The following OSBPL3 variants were observed in gnomAD, a reference collection of about 807,000 sequenced individuals.
OSBPL3 encodes the protein oxysterol-binding protein-related protein 3.
OSBPL3 carries 65 observed loss-of-function variants against 120.1 expected under a neutral mutation model. The ratio of observed to expected loss-of-function variants is 0.54; its 90% CI spans 0.44 to 0.67. OSBPL3 has a LOEUF of 0.67. OSBPL3 is among the 30% of genes least tolerant of loss of function. The pLI is 0.00. For missense variants in OSBPL3, 1,004 were observed against 1,082.1 expected (o/e 0.93, Z 1.01); for synonymous variants, 416 against 402.6 (o/e 1.03, Z -0.40).
chr7:24,822,027 C>T lies in OSBPL3; in HGVS notation c.1885-1789G>A, dbSNP rs1795187340. Among the ~76,000 whole-genome samples the T allele has an allele frequency of 6.6e-6, 1 of 152,118 alleles. No individual in the cohort carries two copies. The highest frequency in any genetic ancestry group is 6.5e-5 in the Admixed American group (1 of 15,268). ...TTGCTGGGACTAAAGGTGTGTGCCA[C>T]CACGCCCGGCTAATTTTTTCACTTT... is the stretch of plus-strand genomic sequence containing the variant. On this transcript the variant is annotated intron_variant, in intron 16 of 22. Transcript: ENST00000313367. This position sits in a 1 kb window ranked among gnomAD's most constrained non-coding sequence, Gnocchi z 5.8.
upstream of OSBPL3, among the ~76,000 whole-genome samples, chr7:24,980,505 A>C (rs1460434260): frequency 1.3e-5 from 2 of 151,966 alleles, no homozygotes; most frequent in Admixed American, 6.5e-5. Context: ...GGCGTTCGGT[A>C]AATGTTCCTC....
chr7:24,806,738 T>C lies in OSBPL3; in HGVS notation c.2444+38A>G. The C allele has an allele frequency of 6.2e-7, 1 of 1,602,598 alleles. No individual in the cohort carries two copies. The highest frequency in any genetic ancestry group is 8.5e-7 in the Non-Finnish European group (1 of 1,173,590). On this transcript the variant is annotated intron_variant, in intron 21 of 22. Transcript: ENST00000313367. The surrounding 1 kb of genome is among the most constrained non-coding windows in gnomAD (Gnocchi z 5.2). The stretch of plus-strand genomic sequence containing the variant: ...TAATAAGACTTTTTGTAAAGGGTTT[T>C]ACATCTCTGGAGAGAAAAATCTTTA...
At position 24,873,697 on chromosome 7, in the gene OSBPL3, C is replaced by G. The variant is rs963746354; in HGVS notation, c.97-1628G>C. Among the ~76,000 whole-genome samples, 1 of 151,470 alleles carries G rather than the reference C, an allele frequency of 6.6e-6. No individual in the cohort carries two copies. Among genetic ancestry groups the G allele is most frequent in the African/African-American group, 2.4e-5 (1 of 41,182 alleles). On this transcript the variant is annotated intron_variant, in intron 2 of 22. Transcript: ENST00000313367. This position sits in a 1 kb window ranked among gnomAD's most constrained non-coding sequence, Gnocchi z 4.1. The stretch of plus-strand genomic sequence containing the variant: ...ATTACACTCAGACAATAAATGCATA[C>G]TACTAAGTGATGGGAAGTCAGATTT...
At position 24,799,752 on chromosome 7, in the gene OSBPL3, G is replaced by A. The variant is rs903120616; in HGVS notation, c.*431C>T. 3 of 152,712 alleles carry A rather than the reference G, an allele frequency of 2.0e-5. No homozygotes were observed. Among genetic ancestry groups the A allele is most frequent in the African/African-American group, 4.8e-5 (2 of 41,438 alleles). The allele number at this position is 152,712 out of a possible 1,614,324, so 9.5% of individuals were successfully genotyped here. ...ATTTCAGCTACCAAATTAAACTTGG[G>A]TAGCTTACGCATGGGTGAGTAACCC... On this transcript the variant is annotated 3_prime_UTR_variant, in exon 23 of 23. Transcript: ENST00000313367. This position sits in a 1 kb window ranked among gnomAD's most constrained non-coding sequence, Gnocchi z 5.3.
chr7:24,829,557 G>T (rs1189664998), intron 16 of OSBPL3, among the ~76,000 whole-genome samples: 2 of 152,106 alleles, frequency 1.3e-5, no homozygotes, highest in Non-Finnish European at 2.9e-5. Flanking sequence ...CAAGATAAAA[G>T]AATATTTTAG....
At chr7:24,860,253 T>A (rs1800341303) in intron 10 of OSBPL3, among the ~76,000 whole-genome samples, 1 of 152,210 alleles carries the variant, frequency 6.6e-6, no homozygotes, top group African/African-American at 2.4e-5. Flanking sequence ...CCCCTTTACT[T>A]CCTCCATCTC....
intron 1 of OSBPL3, among the ~76,000 whole-genome samples, chr7:24,897,168 G>C (rs1806268087): frequency 1.3e-5 from 2 of 151,974 alleles, no homozygotes; most frequent in South Asian, 4.2e-4. Context: ...AGAAAATGAG[G>C]ATACAGTGTC....
At chr7:24,892,817 C>T (rs757796384) in intron 1 of OSBPL3, among the ~76,000 whole-genome samples, 196 bp from the exon 2 acceptor site, 1 of 152,122 alleles carries the variant, frequency 6.6e-6, no homozygotes, top group Non-Finnish European at 1.5e-5. Flanking sequence ...TTTCATGTAG[C>T]TTTGCAATAT....
In OSBPL3 at chr7:24,965,884, C is replaced by T. The variant is rs914494380; in HGVS notation, c.-150+14002G>A. Among the ~76,000 whole-genome samples, 6 of 152,314 alleles carry T rather than the reference C, an allele frequency of 3.9e-5. No homozygotes were observed. The highest frequency in any genetic ancestry group is 1.4e-4 in the African/African-American group (6 of 41,570). Reference sequence around the variant, plus strand: ...GTGTTTTACCAGTCCCTCCAGGACACTCTGACACTGCTGAGGTTTAGAACC... The same window carrying T: ...GTGTTTTACCAGTCCCTCCAGGACATTCTGACACTGCTGAGGTTTAGAACC... On this transcript the variant is annotated intron_variant, in intron 1 of 22. Transcript: ENST00000313367. This position sits in a 1 kb window ranked among gnomAD's most constrained non-coding sequence, Gnocchi z 4.3.
chr7:24,978,884 C>A (rs1489918579), intron 1 of OSBPL3, among the ~76,000 whole-genome samples: 6 of 152,186 alleles, frequency 3.9e-5, no homozygotes, highest in Admixed American at 3.9e-4. Flanking sequence ...GCTTGTGAGG[C>A]GGAGAAGGAC....
chr7:24,896,807 C>T lies in OSBPL3; in HGVS notation c.-149-4186G>A, dbSNP rs1360636896. Among the ~76,000 whole-genome samples, 1 of 152,194 alleles carries T rather than the reference C, an allele frequency of 6.6e-6. No individual in the cohort carries two copies. Among genetic ancestry groups the T allele is most frequent in the Non-Finnish European group, 1.5e-5 (1 of 68,040 alleles). ...AAGGATTTGGCCAGGTGGAGTGGCT[C>T]ATGCCTATAATCCCAGCAATTTAGG... On this transcript the variant is annotated intron_variant, in intron 1 of 22. Transcript: ENST00000313367. The surrounding 1 kb of genome is among the most constrained non-coding windows in gnomAD (Gnocchi z 4.4).
rs1477449712 is a variant in OSBPL3, at chr7:24,806,598, G to A, written c.2444+178C>T. Among the ~76,000 whole-genome samples, 1 of 152,150 alleles carries A rather than the reference G, an allele frequency of 6.6e-6. No homozygotes were observed. The highest frequency in any genetic ancestry group is 1.5e-5 in the Non-Finnish European group (1 of 68,024). On this transcript the variant is annotated intron_variant, in intron 21 of 22. Coordinates refer to ENST00000313367, the MANE Select transcript of OSBPL3 (RefSeq NM_015550.4). The surrounding 1 kb of genome is among the most constrained non-coding windows in gnomAD (Gnocchi z 5.2). ...GATAATAAAGGCCATGCCACACATG[G>A]ATCCTAGTTGGGCCCCATCTCCTCC... is the stretch of plus-strand genomic sequence containing the variant.
At chr7:24,886,940 C>T (rs926051573) in intron 2 of OSBPL3, among the ~76,000 whole-genome samples, 23 of 152,168 alleles carry the variant, frequency 1.5e-4, no homozygotes, top group African/African-American at 2.2e-4. Context: ...GCACAAACCA[C>T]GGTCATTTTC....
At chr7:24,950,657 G>A (rs899411119) in intron 1 of OSBPL3, among the ~76,000 whole-genome samples, 3 of 152,260 alleles carry the variant, frequency 2.0e-5, no homozygotes, top group Non-Finnish European at 2.9e-5. Flanking sequence ...AAGAGGCGAA[G>A]CTTGCAGTGA....
intron 12 of OSBPL3, among the ~76,000 whole-genome samples, chr7:24,847,440 A>C (rs545897609): frequency 6.6e-6 from 1 of 152,352 alleles, no homozygotes; most frequent in East Asian, 1.9e-4. Context: ...GAAGGTGTGC[A>C]TTTGAAGGAT....
intron 1 of OSBPL3, among the ~76,000 whole-genome samples, chr7:24,929,290 C>T (rs1330509583): frequency 1.3e-5 from 2 of 152,214 alleles, no homozygotes; most frequent in African/African-American, 4.8e-5. Context: ...ATGTGGTATA[C>T]TGAAAGGTCG....
In OSBPL3 at chr7:24,939,714, T is replaced by C. The variant is rs1241594316; in HGVS notation, c.-150+40172A>G. Among the ~76,000 whole-genome samples, 1 of 152,136 alleles carries C rather than the reference T, an allele frequency of 6.6e-6. No individual in the cohort carries two copies. The highest frequency in any genetic ancestry group is 1.5e-5 in the Non-Finnish European group (1 of 68,034). On this transcript the variant is annotated intron_variant, in intron 1 of 22. Coordinates refer to ENST00000313367, the MANE Select transcript of OSBPL3 (RefSeq NM_015550.4). The surrounding 1 kb of genome is among the most constrained non-coding windows in gnomAD (Gnocchi z 4.2). The stretch of plus-strand genomic sequence containing the variant: ...CCCTAATAGTCAACAGTATCAAACA[T>C]TAACAGGCCAAAATGTCATCAAGAG...
rs2128442890 is a variant in OSBPL3 at position 24,918,306 on chromosome 7, T to A, written c.-149-25685A>T. Among the ~76,000 whole-genome samples, 1 of 152,314 alleles carries A rather than the reference T, an allele frequency of 6.6e-6. No homozygotes were observed. Among genetic ancestry groups the A allele is most frequent in the South Asian group, 2.1e-4 (1 of 4,824 alleles). Reference sequence around the variant, plus strand: ...TCCCTCCTTGGTTCTCATGACCACATAACTGTGCCATCCCCAACATCCCAC... The same window carrying A: ...TCCCTCCTTGGTTCTCATGACCACAAAACTGTGCCATCCCCAACATCCCAC... On this transcript the variant is annotated intron_variant, in intron 1 of 22. Coordinates refer to ENST00000313367, the MANE Select transcript of OSBPL3 (RefSeq NM_015550.4). The surrounding 1 kb of genome is among the most constrained non-coding windows in gnomAD (Gnocchi z 4.3).
rs1794946954 is a variant in OSBPL3, at chr7:24,820,176, T to C, written c.1947A>G (p.Gln649=). The C allele has an allele frequency of 6.2e-7, 1 of 1,602,484 alleles. No homozygotes were observed. The highest frequency in any genetic ancestry group is 1.3e-5 in the African/African-American group (1 of 74,700). Residue 649 remains glutamine (Q), a splice_region_variant and synonymous_variant, in exon 17 of 23, where the codon CAA becomes CAG. Coordinates refer to ENST00000313367, the MANE Select transcript of OSBPL3 (RefSeq NM_015550.4). This position sits in a 1 kb window ranked among gnomAD's most constrained non-coding sequence, Gnocchi z 4.6. ...AAGTAAAATGTATTAGCACATTACC[T>C]TGCCAGAAAACAAAATTTCTAGACT... The part of the protein sequence containing the change: ...HAESRNFVFW[Q]DVRWKNKFWG...
Sources: allele counts gnomAD v4.1 joint callset (sites outside exome capture counted in the v4.1 genomes callset), GRCh38; gene constraint gnomAD v4.1.1; non-coding constraint Gnocchi (gnomAD v3.1); transcripts MANE v1.5; gene names NCBI Gene and HGNC (gene_info 2026-07-23, HGNC 2026-07-21).